SEMA5A: variants seen among roughly 807,000 people sequenced by gnomAD.
SEMA5A encodes the protein semaphorin-5A.
Under a neutral mutation model 135.5 loss-of-function variants are expected in SEMA5A, and 55 were observed. That is an observed-to-expected ratio of 0.41 (90% CI 0.33 to 0.51). SEMA5A has a LOEUF of 0.51. SEMA5A is among the 20% of genes least tolerant of loss of function. SEMA5A has a pLI of 0.37. For synonymous variants in SEMA5A, 580 were observed against 546.5 expected, an observed-to-expected ratio of 1.06 and a Z score of -0.85; for missense variants, 1,290 against 1,419.9, an observed-to-expected ratio of 0.91 and a Z score of 1.47.
chr5:9,369,045 C>T (rs889290669), intron 3 of SEMA5A, among the ~76,000 whole-genome samples: 5 of 152,210 alleles, frequency 3.3e-5, no homozygotes, highest in Non-Finnish European at 5.9e-5. Flanking sequence ...CCAGTTGTGC[C>T]ATATCCTTGC....
At chr5:9,310,848 C>T (rs1029545155) in intron 5 of SEMA5A, among the ~76,000 whole-genome samples, 2 of 147,996 alleles carry the variant, frequency 1.4e-5, no homozygotes, top group African/African-American at 2.5e-5. Context: ...TATATATATA[C>T]ACACAATATA....
rs937833623 is a variant in SEMA5A at position 9,039,794 on chromosome 5, CCA to C, written c.*3101_*3102del. 11 of 152,194 alleles carry C rather than the reference CCA, an allele frequency of 7.2e-5. No individual in the cohort carries two copies. Among genetic ancestry groups the C allele is most frequent in the African/African-American group, 2.7e-4 (11 of 41,432 alleles). The allele number at this position is 152,194 out of a possible 1,614,324, so 9.4% of individuals were successfully genotyped here. ...CATATCATTCAGAGGTTACAAAACC[CCA>C]GTTTCACCAAAGCTACATGTCCCTG... On this transcript the variant is annotated 3_prime_UTR_variant, in exon 23 of 23. Transcript: ENST00000382496.
At chr5:9,313,137 A>G (rs1752220016) in intron 5 of SEMA5A, among the ~76,000 whole-genome samples, 1 of 152,206 alleles carries the variant, frequency 6.6e-6, no homozygotes. Flanking sequence ...CTAAGTAGGA[A>G]AAAAGAAGAA....
At chr5:9,184,232 C>A (rs1189865767) in intron 11 of SEMA5A, among the ~76,000 whole-genome samples, 2 of 148,084 alleles carry the variant, frequency 1.4e-5, no homozygotes, top group African/African-American at 2.5e-5. Flanking sequence ...TATCCTGAGA[C>A]CATGTGATTT....
intron 14 of SEMA5A, among the ~76,000 whole-genome samples, chr5:9,120,516 T>C: frequency 6.6e-6 from 1 of 152,238 alleles, no homozygotes; most frequent in Non-Finnish European, 1.5e-5. Flanking sequence ...ACCAAAATTA[T>C]CACACAATAA....
At chr5:9,158,209 A>G (rs989234398) in intron 11 of SEMA5A, among the ~76,000 whole-genome samples, 6 of 152,220 alleles carry the variant, frequency 3.9e-5, no homozygotes, top group Non-Finnish European at 5.9e-5. Context: ...TATTTTTCCC[A>G]TTATAATCTC....
chr5:9,382,565 G>A (rs1579447469), intron 2 of SEMA5A, among the ~76,000 whole-genome samples: 1 of 152,292 alleles, frequency 6.6e-6, no homozygotes, highest in East Asian at 1.9e-4. Flanking sequence ...CATGATAATT[G>A]AAATTTTGAA....
chr5:9,454,616 A>G (rs1247535690), intron 1 of SEMA5A, among the ~76,000 whole-genome samples: 6 of 152,208 alleles, frequency 3.9e-5, no homozygotes, highest in Non-Finnish European at 7.3e-5. Context: ...CTTAACGTAA[A>G]AACAAAACAA....
intron 14 of SEMA5A, among the ~76,000 whole-genome samples, chr5:9,120,425 A>G (rs1321268495): frequency 6.6e-6 from 1 of 152,052 alleles, no homozygotes; most frequent in African/African-American, 2.4e-5. Context: ...TTCCTACTTT[A>G]CTGAAACCTA....
intron 3 of SEMA5A, among the ~76,000 whole-genome samples, chr5:9,358,970 T>C (rs891999521): frequency 6.6e-6 from 1 of 152,104 alleles, no homozygotes; most frequent in African/African-American, 2.4e-5. Flanking sequence ...GCAAAGACAG[T>C]AGGATGTGGG....
chr5:9,229,483 G>T (rs1345741184), intron 6 of SEMA5A, among the ~76,000 whole-genome samples: 2 of 152,148 alleles, frequency 1.3e-5, no homozygotes, highest in African/African-American at 4.8e-5. Flanking sequence ...ATAAAGGCAG[G>T]CAGAGTGAGG....
intron 11 of SEMA5A, among the ~76,000 whole-genome samples, chr5:9,182,670 C>G (rs1744586437): frequency 6.6e-6 from 1 of 151,504 alleles, no homozygotes; most frequent in Admixed American, 6.6e-5. Context: ...ATAGCTTTGA[C>G]CCCAGCCTAC....
chr5:9,431,602 T>C (rs576878026), intron 2 of SEMA5A, among the ~76,000 whole-genome samples: 12 of 152,180 alleles, frequency 7.9e-5, no homozygotes, highest in Non-Finnish European at 1.3e-4. Flanking sequence ...TATAGAGGCC[T>C]CTCCAATACT....
chr5:9,216,618 C>A (rs1051916916), intron 8 of SEMA5A, among the ~76,000 whole-genome samples: 1 of 152,050 alleles, frequency 6.6e-6, no homozygotes, highest in Admixed American at 6.6e-5. Flanking sequence ...GTGTGTGAGT[C>A]CAAGACTAAT....
chr5:9,154,637 C>A lies in SEMA5A; in HGVS notation c.1332G>T (p.Leu444Phe). The A allele has an allele frequency of 6.2e-7, 1 of 1,614,104 alleles. No homozygotes were observed. Among genetic ancestry groups the A allele is most frequent in the Non-Finnish European group, 8.5e-7 (1 of 1,180,024 alleles). The change falls in exon 12 of 23, where the codon TTG (leucine) becomes TTT (phenylalanine). Residue 444 changes from leucine (L) to phenylalanine (F), a missense_variant. Leu to Phe is a conservative substitution (Grantham distance 22, BLOSUM62 0). Transcript: ENST00000382496. ...VPLNQTSSSC[L>F]LEEIELFPER... ...CAGGGAAGAGCTCAATCTCTTCCAGCAAACAGCTGCTTGAGGTCTGATTCA... is the reference window on the plus strand; with the variant it reads ...CAGGGAAGAGCTCAATCTCTTCCAGAAAACAGCTGCTTGAGGTCTGATTCA...
At chr5:9,533,060 A>G (rs1048896590) in intron 1 of SEMA5A, among the ~76,000 whole-genome samples, 4 of 152,242 alleles carry the variant, frequency 2.6e-5, no homozygotes, top group Non-Finnish European at 5.9e-5. Context: ...AGAATGAAGC[A>G]TCCTTTGACC....
At chr5:9,095,756 G>C (rs1338349028) in intron 16 of SEMA5A, among the ~76,000 whole-genome samples, 1 of 152,196 alleles carries the variant, frequency 6.6e-6, no homozygotes, top group African/African-American at 2.4e-5. Flanking sequence ...AAAACATATT[G>C]TTGATATAAT....
intron 2 of SEMA5A, among the ~76,000 whole-genome samples, chr5:9,397,535 T>A (rs1003514943): frequency 1.3e-5 from 2 of 152,228 alleles, no homozygotes; most frequent in South Asian, 4.1e-4. Flanking sequence ...TCTTTAAGGT[T>A]ATAATGAACA....
intron 16 of SEMA5A, among the ~76,000 whole-genome samples, chr5:9,101,883 A>T (rs768493646): frequency 1.3e-5 from 2 of 152,224 alleles, no homozygotes; most frequent in Non-Finnish European, 2.9e-5. Context: ...TCTACGTCCA[A>T]TGTAAAATAA....
Sources: gnomAD v4.1 joint callset for allele counts (sites outside exome capture counted in the v4.1 genomes callset) on GRCh38, gnomAD v4.1.1 for gene constraint, MANE v1.5 for transcripts, NCBI Gene and HGNC (gene_info 2026-07-23, HGNC 2026-07-21) for gene names.